PDZRN3: variants seen among roughly 807,000 people sequenced by gnomAD.
PDZRN3 encodes the protein E3 ubiquitin-protein ligase PDZRN3.
PDZRN3 carries 38 observed loss-of-function variants against 85.7 expected under a neutral mutation model. The observed-to-expected ratio is 0.44, with a 90% CI of 0.34 to 0.58. The LOEUF (loss-of-function observed/expected upper bound fraction) is 0.58, where lower values mean the gene tolerates loss of function less well. PDZRN3 is among the 20% of genes least tolerant of loss of function. The pLI is 0.01. For missense variants in PDZRN3, 1,629 were observed against 1,506.4 expected (o/e 1.08, Z -1.35); for synonymous variants, 759 against 638.0 (o/e 1.19, Z -2.86).
chr3:73,442,164 T>C (rs145516013), intron 3 of PDZRN3, among the ~76,000 whole-genome samples: 32 of 152,210 alleles, frequency 2.1e-4, no homozygotes, highest in African/African-American at 7.5e-4. Flanking sequence ...GCCTCAACCC[T>C]TGGATATGGG....
At chr3:73,530,999 C>T (rs1003680927) in intron 3 of PDZRN3, among the ~76,000 whole-genome samples, 3 of 152,032 alleles carry the variant, frequency 2.0e-5, no homozygotes, top group African/African-American at 4.8e-5. Context: ...GCCTGTAATC[C>T]CAGCACTTTG....
At chr3:73,608,171 T>C (rs1013800589) in intron 2 of PDZRN3, among the ~76,000 whole-genome samples, 4 of 152,146 alleles carry the variant, frequency 2.6e-5, no homozygotes, top group Non-Finnish European at 5.9e-5. Context: ...AATTAGAGAA[T>C]TGTCTCTGAC....
intron 3 of PDZRN3, among the ~76,000 whole-genome samples, chr3:73,585,818 A>T (rs931488743): frequency 6.6e-6 from 1 of 152,234 alleles, no homozygotes; most frequent in Admixed American, 6.5e-5. Flanking sequence ...GATCCAAGTC[A>T]TTGAAGGAAG....
chr3:73,593,586 T>C (rs1335625379), intron 3 of PDZRN3, among the ~76,000 whole-genome samples: 2 of 152,120 alleles, frequency 1.3e-5, no homozygotes, highest in Non-Finnish European at 2.9e-5. Context: ...CTTGTAGAAA[T>C]GAGAATGTTA....
chr3:73,590,695 C>A (rs575828944), intron 3 of PDZRN3, among the ~76,000 whole-genome samples: 1 of 152,294 alleles, frequency 6.6e-6, no homozygotes, highest in East Asian at 1.9e-4. Context: ...TTGCTTGATT[C>A]TCTTGCTTCT....
intron 3 of PDZRN3, among the ~76,000 whole-genome samples, chr3:73,526,138 A>G (rs578203665): frequency 2.6e-5 from 4 of 152,268 alleles, no homozygotes; most frequent in African/African-American, 9.6e-5. Flanking sequence ...TACCTACCTC[A>G]TGTTTTTTCT....
chr3:73,491,737 A>T (rs1012987804), intron 3 of PDZRN3, among the ~76,000 whole-genome samples: 1 of 151,962 alleles, frequency 6.6e-6, no homozygotes, highest in Non-Finnish European at 1.5e-5. Context: ...CTGAGACTAC[A>T]GGTGCATACC....
chr3:73,605,242 AG>A (rs1270442479), intron 2 of PDZRN3, among the ~76,000 whole-genome samples: 1 of 152,078 alleles, frequency 6.6e-6, no homozygotes, highest in East Asian at 1.9e-4. Flanking sequence ...CTCTCTTAAA[AG>A]GCATCTCTTT....
chr3:73,396,734 C>T (rs1405886326), intron 5 of PDZRN3, among the ~76,000 whole-genome samples: 1 of 152,152 alleles, frequency 6.6e-6, no homozygotes, highest in Non-Finnish European at 1.5e-5. Flanking sequence ...GTTTCGCAGC[C>T]TACATAGGAT....
At chr3:73,618,878 G>A (rs114717769) in intron 1 of PDZRN3, among the ~76,000 whole-genome samples, 44 of 152,270 alleles carry the variant, frequency 2.9e-4, no homozygotes, top group African/African-American at 1.0e-3. Flanking sequence ...GCAGAAGTGC[G>A]CTGTTTTGTT....
chr3:73,556,511 C>T (rs1230770388), intron 3 of PDZRN3, among the ~76,000 whole-genome samples: 1 of 151,974 alleles, frequency 6.6e-6, no homozygotes, highest in African/African-American at 2.4e-5. Context: ...TCATCTTTTC[C>T]TTTGATGAAT....
rs368250413 is a variant in PDZRN3 at position 73,516,417 on chromosome 3, TG to T, written c.918+85936del. Among the ~76,000 whole-genome samples, 114 of 152,326 alleles carry T rather than the reference TG, an allele frequency of 7.5e-4. 3 individuals are homozygous for T. In the East Asian group the frequency reaches 0.015, roughly 20 times the overall value. On this transcript the variant is annotated intron_variant, in intron 3 of 9. Coordinates refer to ENST00000263666, the MANE Select transcript of PDZRN3 (RefSeq NM_015009.3). The stretch of plus-strand genomic sequence containing the variant: ...CTGTTACATCTCTGCCAACATCATT[TG>T]GTTGTGTATTTTCTTAATTATGAAT...
chr3:73,617,050 C>T (rs1368074001), intron 1 of PDZRN3, among the ~76,000 whole-genome samples: 4 of 152,188 alleles, frequency 2.6e-5, no homozygotes, highest in Non-Finnish European at 5.9e-5. Flanking sequence ...TCATCCCTCA[C>T]CTATCCAAAC....
At chr3:73,615,247 A>C (rs77350841) in intron 1 of PDZRN3, among the ~76,000 whole-genome samples, 3,010 of 152,268 alleles carry the variant, frequency 0.02, 113 homozygotes, top group African/African-American at 0.069. Flanking sequence ...AACCTGAAAA[A>C]ATCCATAAAT....
chr3:73,466,199 AAC>A (rs1443792823), intron 3 of PDZRN3, among the ~76,000 whole-genome samples: 3 of 152,138 alleles, frequency 2.0e-5, no homozygotes, highest in Non-Finnish European at 4.4e-5. Context: ...TAGTGAAGAA[AAC>A]ACAGTGTTAA....
intron 1 of PDZRN3, among the ~76,000 whole-genome samples, chr3:73,616,595 G>A (rs966099535): frequency 3.3e-5 from 5 of 152,170 alleles, no homozygotes; most frequent in African/African-American, 1.2e-4. Context: ...GGCAGCAGGA[G>A]GCTTACAATG....
chr3:73,445,544 C>T (rs1044681661), intron 3 of PDZRN3, among the ~76,000 whole-genome samples: 1 of 152,104 alleles, frequency 6.6e-6, no homozygotes, highest in Non-Finnish European at 1.5e-5. Context: ...AATTACTTAC[C>T]AAGCCTCTAT....
chr3:73,466,987 T>A (rs996475474), intron 3 of PDZRN3, among the ~76,000 whole-genome samples: 5 of 152,138 alleles, frequency 3.3e-5, no homozygotes, highest in African/African-American at 1.2e-4. Flanking sequence ...CAAAAATGGG[T>A]CCCCAGGAAT....
chr3:73,575,242 A>G (rs761833429), intron 3 of PDZRN3, among the ~76,000 whole-genome samples: 5 of 152,202 alleles, frequency 3.3e-5, no homozygotes, highest in African/African-American at 7.2e-5. Flanking sequence ...CAAATACAGT[A>G]TGTGTGTTTT....
Sources: gnomAD v4.1 joint callset for allele counts (sites outside exome capture counted in the v4.1 genomes callset) on GRCh38, gnomAD v4.1.1 for gene constraint, MANE v1.5 for transcripts, NCBI Gene and HGNC (gene_info 2026-07-23, HGNC 2026-07-21) for gene names.